Variants in DMD observed in about 807,000 individuals in gnomAD.
DMD encodes mutant dystrophin.
A neutral mutation model predicts 330.1 loss-of-function variants in DMD; 63 were observed. The ratio of observed to expected loss-of-function variants is 0.19; its 90% confidence interval spans 0.16 to 0.24. The LOEUF is 0.24. Among genes scored for constraint, DMD ranks in the 10% least tolerant of loss-of-function variants. DMD has a pLI of 1.00. For missense variants in DMD, 3,344 were observed against 2,684.1 expected (o/e 1.25, Z -5.43); for synonymous variants, 1,223 against 959.8 (o/e 1.27, Z -5.07).
At chrX:32,907,504 G>T (rs1242725391) in intron 2 of DMD, among the ~76,000 whole-genome samples, 1 of 111,596 alleles carries the variant, frequency 9.0e-6, no homozygotes, top group Non-Finnish European at 1.9e-5. Context: ...GCGGTTCATT[G>T]AATTAATCAC....
chrX:31,922,700 G>A (rs1027414795), intron 47 of DMD, among the ~76,000 whole-genome samples: 10 of 111,514 alleles, frequency 9.0e-5, no homozygotes, highest in African/African-American at 3.3e-4. Context: ...GGTCATAAAA[G>A]TCTTCTTCTG....
intron 60 of DMD, among the ~76,000 whole-genome samples, chrX:31,407,789 T>G (rs987116043): frequency 9.0e-6 from 1 of 111,081 alleles, no homozygotes; most frequent in Non-Finnish European, 1.9e-5. Context: ...CTATCTTATT[T>G]TTAAAAATTA....
At chrX:31,727,738 T>C (rs2086172566) in intron 52 of DMD, among the ~76,000 whole-genome samples, 1 of 112,057 alleles carries the variant, frequency 8.9e-6, no homozygotes, top group Non-Finnish European at 1.9e-5. Flanking sequence ...ACTGAAATAA[T>C]ACATTAGCAT....
chrX:31,348,614 G>A lies in DMD; in HGVS notation c.9105C>T (p.Val3035=), dbSNP rs2058227472. The change falls in exon 61 of 79, where the codon GTC becomes GTT. Residue 3035 remains valine (V), a synonymous_variant. Coordinates refer to ENST00000357033, the MANE Select transcript of DMD (RefSeq NM_004006.3). ...CCCTGTGGGCTTCATGCAGCTGCCT[G>A]ACTCGGTCCTCGACGGCCACCTGGG... ...KLLQVAVEDR[V]RQLHEAHRDF... 1 of 1,210,714 alleles carries A rather than the reference G, an allele frequency of 8.3e-7. No homozygotes were observed. Among genetic ancestry groups the A allele is most frequent in the Non-Finnish European group, 1.1e-6 (1 of 894,861 alleles).
chrX:32,163,463 G>A (rs922293964), intron 44 of DMD, among the ~76,000 whole-genome samples: 7 of 112,305 alleles, frequency 6.2e-5, no homozygotes, highest in Admixed American at 3.8e-4. Context: ...GAACAGATTA[G>A]GGGTTGCTAG....
intron 43 of DMD, among the ~76,000 whole-genome samples, chrX:32,278,349 G>A (rs1009025755): frequency 2.7e-5 from 3 of 111,206 alleles, no homozygotes; most frequent in South Asian, 3.8e-4. Flanking sequence ...CTTGGGACCC[G>A]ATGGCTGCAC....
chrX:33,278,460 G>A (rs1228373178), intron 1 of DMD, among the ~76,000 whole-genome samples: 1 of 111,609 alleles, frequency 9.0e-6, no homozygotes, highest in African/African-American at 3.3e-5. Context: ...GTGTTAATTC[G>A]CTTAGGATAA....
chrX:31,419,313 T>C (rs2063238663), intron 60 of DMD, among the ~76,000 whole-genome samples: 1 of 106,540 alleles, frequency 9.4e-6, no homozygotes, highest in Admixed American at 1.1e-4. Context: ...GGAATTATAA[T>C]ACTAGTTAGA....
At chrX:33,012,958 A>T (rs905088779) in intron 2 of DMD, among the ~76,000 whole-genome samples, 8 of 111,063 alleles carry the variant, frequency 7.2e-5, no homozygotes, top group African/African-American at 2.6e-4. Context: ...TGGGGTTACT[A>T]AACATTCAAA....
chrX:32,966,411 C>T (rs992867188), intron 2 of DMD, among the ~76,000 whole-genome samples: 4 of 111,410 alleles, frequency 3.6e-5, no homozygotes, highest in African/African-American at 1.3e-4. Flanking sequence ...CTGTTACCTG[C>T]ACTTACAACC....
At chrX:32,872,214 G>T (rs1456056493) in intron 2 of DMD, among the ~76,000 whole-genome samples, 3 of 111,193 alleles carry the variant, frequency 2.7e-5, no homozygotes, top group Non-Finnish European at 5.7e-5. Context: ...ATGCCATCAT[G>T]ACCAACTACC....
rs886631657 is a variant in DMD at position 31,122,689 on chromosome X, T to C, written c.11047-759A>G. On this transcript the variant is annotated intron_variant, in intron 78 of 78. Transcript: ENST00000357033. ...CTAATTATAAGGTGACCCACATGTA[T>C]TGTATGCATTTGGGTATTTTGTGAA... Among the ~76,000 whole-genome samples, 3 of 111,906 alleles carry C rather than the reference T, an allele frequency of 2.7e-5. No homozygotes were observed. The Admixed American group carries it at 2.9e-4, about 11-fold the overall frequency.
At chrX:33,163,214 TAGAAC>T (rs1387403473) in intron 1 of DMD, among the ~76,000 whole-genome samples, 2 of 111,460 alleles carry the variant, frequency 1.8e-5, no homozygotes, top group Non-Finnish European at 3.8e-5. Flanking sequence ...AATACGTGTT[TAGAAC>T]AGACCTCTTC....
intron 7 of DMD, among the ~76,000 whole-genome samples, chrX:32,719,408 G>C (rs2066040679): frequency 9.0e-6 from 1 of 111,107 alleles, no homozygotes; most frequent in Non-Finnish European, 1.9e-5. Flanking sequence ...GTGAGTGTAG[G>C]GTGATGAAGA....
At chrX:31,261,074 A>C in intron 62 of DMD, 58 bp from the exon 63 acceptor site, 3 of 1,033,624 alleles carry the variant, frequency 2.9e-6, no homozygotes, top group Non-Finnish European at 4.1e-6. Context: ...TCAAGAAAAC[A>C]GGAAAAAAGA....
intron 6 of DMD, among the ~76,000 whole-genome samples, chrX:32,815,494 C>CATATATATATATAT (rs1557051738): frequency 4.2e-4 from 30 of 71,851 alleles, no homozygotes; most frequent in South Asian, 7.8e-4. Context: ...CACACACAAG[C>CATATATATATATAT]ATATATATAT....
At chrX:31,673,074 G>A (rs2081896913) in intron 53 of DMD, among the ~76,000 whole-genome samples, 1 of 112,149 alleles carries the variant, frequency 8.9e-6, no homozygotes, top group Non-Finnish European at 1.9e-5. Context: ...ACAGTGGCAA[G>A]GTTCTTGGAA....
At chrX:32,992,921 A>AAAAAAAC (rs1557193216) in intron 2 of DMD, among the ~76,000 whole-genome samples, 4 of 109,868 alleles carry the variant, frequency 3.6e-5, no homozygotes, top group African/African-American at 1.3e-4. Context: ...AAAAAAAAAA[A>AAAAAAAC]AAAAAACTGT....
chrX:32,929,277 G>T (rs2089373360), intron 2 of DMD, among the ~76,000 whole-genome samples: 1 of 111,515 alleles, frequency 9.0e-6, no homozygotes, highest in African/African-American at 3.3e-5. Flanking sequence ...TATCAGCTGT[G>T]TCCAAACCAT....
Sources: gnomAD v4.1 joint callset for allele counts (sites outside exome capture counted in the v4.1 genomes callset) on GRCh38, gnomAD v4.1.1 for gene constraint, MANE v1.5 for transcripts, NCBI Gene and HGNC (gene_info 2026-07-23, HGNC 2026-07-21) for gene names.